The following SHANK2 variants were observed in gnomAD, a reference collection of about 807,000 sequenced individuals.
SHANK2 encodes SH3 and multiple ankyrin repeat domains 2, also known as SH3 and multiple ankyrin repeat domains protein 2.
SHANK2 carries 43 observed loss-of-function variants against 133.7 expected under a neutral mutation model. The observed-to-expected ratio is 0.32, with a 90% CI of 0.25 to 0.41. SHANK2 has a LOEUF of 0.41. SHANK2 is among the 10% of genes least tolerant of loss of function. SHANK2 has a pLI of 1.00. For missense variants in SHANK2, 1,994 were observed against 2,235.8 expected (o/e 0.89, Z 2.18); for synonymous variants, 1,017 against 952.8 (o/e 1.07, Z -1.24).
At chr11:71,061,909 A>C (rs1319712385) in intron 9 of SHANK2, among the ~76,000 whole-genome samples, 1 of 149,836 alleles carries the variant, frequency 6.7e-6, no homozygotes, top group African/African-American at 2.5e-5. Flanking sequence ...TGAGCCCAAA[A>C]TTTCCCGTCA....
intron 11 of SHANK2, among the ~76,000 whole-genome samples, chr11:70,856,059 A>ATGGG (rs1949165688): frequency 6.8e-6 from 1 of 146,434 alleles, no homozygotes; most frequent in Non-Finnish European, 1.5e-5. Context: ...AGGTGAGTGA[A>ATGGG]TGGGTGGGTG....
intron 14 of SHANK2, among the ~76,000 whole-genome samples, chr11:70,737,943 G>A (rs1275061445): frequency 6.6e-6 from 1 of 152,250 alleles, no homozygotes; most frequent in African/African-American, 2.4e-5. Context: ...GGTGCCCTAC[G>A]GTGAGCCGCG....
At chr11:70,540,394 C>T (rs1196101679) in intron 17 of SHANK2, among the ~76,000 whole-genome samples, 2 of 151,920 alleles carry the variant, frequency 1.3e-5, no homozygotes, top group Non-Finnish European at 2.9e-5. Flanking sequence ...CCTGTGGAGT[C>T]GAGGTGATGA....
intron 17 of SHANK2, among the ~76,000 whole-genome samples, chr11:70,629,327 C>G (rs985684876): frequency 4.6e-5 from 7 of 152,190 alleles, no homozygotes; most frequent in Admixed American, 3.3e-4. Flanking sequence ...GAAACCGCCT[C>G]TTTCGAACTC....
In SHANK2 at chr11:70,730,780, A is replaced by C. The variant is rs532411628; in HGVS notation, c.1778-32017T>G. Among the ~76,000 whole-genome samples, 70 of 151,214 alleles carry C rather than the reference A, an allele frequency of 4.6e-4. 1 individual carries two copies. In the South Asian group the frequency reaches 5.5e-3, roughly 12 times the overall value. ...TCATTTCAGCAACTTTCCTTCCCAA[A>C]GTGGCGTCTGCTCACTGCTATGCCT... On this transcript the variant is annotated intron_variant, in intron 14 of 25. Transcript: ENST00000601538.
Position 70,487,645 on chromosome 11 carries a change from G to C in SHANK2, c.2648C>G (p.Thr883Ser), listed in dbSNP as rs1217194951. 1.2e-6 allele frequency: 2 copies of C among 1,600,712 alleles called. No homozygotes were observed. The highest frequency in any genetic ancestry group is 2.7e-5 in the African/African-American group (2 of 74,502). Residue 883 changes from threonine (T) to serine (S), a missense_variant, in exon 25 of 26, where the codon ACC becomes AGC. Physicochemically the swap from Thr to Ser is moderately conservative, Grantham distance 58 (BLOSUM62 1). This residue lies in a region of SHANK2 where 488 missense variants were observed against 642.6 expected (regional missense o/e 0.76). Coordinates refer to ENST00000601538, the MANE Select transcript of SHANK2 (RefSeq NM_012309.5). The surrounding 1 kb of genome is among the most constrained non-coding windows in gnomAD (Gnocchi z 5.8). ...CGGTGGAGGGGGGATGTCCTCAGAG[G>C]TGTCCGGCATGGACAGGCTTCTGGT... The part of the protein sequence containing the change: ...KFTRSLSMPD[T>S]SEDIPPPPQS...
At chr11:70,826,773 C>T (rs1948647079) in intron 11 of SHANK2, 2 of 301,198 alleles carry the variant, frequency 6.6e-6, no homozygotes, top group African/African-American at 2.2e-5. Flanking sequence ...TCGCGGCGCG[C>T]GTCATGTGAG....
intron 2 of SHANK2, among the ~76,000 whole-genome samples, chr11:71,186,186 T>G (rs1270337296): frequency 2.6e-5 from 4 of 152,192 alleles, no homozygotes; most frequent in Admixed American, 6.5e-5. Context: ...GAGAAACCTG[T>G]CAGAAAGCAC....
At chr11:70,766,852 G>A (rs1203258692) in intron 14 of SHANK2, among the ~76,000 whole-genome samples, 2 of 152,176 alleles carry the variant, frequency 1.3e-5, no homozygotes, top group African/African-American at 4.8e-5. Context: ...AAGAGCTCTT[G>A]GCATACAAAA....
At chr11:71,203,212 G>A (rs1174629277) in intron 2 of SHANK2, among the ~76,000 whole-genome samples, 1 of 152,194 alleles carries the variant, frequency 6.6e-6, no homozygotes, top group African/African-American at 2.4e-5. Flanking sequence ...GTCTGCTGGA[G>A]ATGGTGAGGA....
chr11:70,532,148 A>C (rs1554973328), intron 17 of SHANK2, among the ~76,000 whole-genome samples: 1 of 152,104 alleles, frequency 6.6e-6, no homozygotes, highest in African/African-American at 2.4e-5. Context: ...CATGAGTTGA[A>C]ATTTCAGGCA....
At chr11:70,657,255 C>G (rs1408966400) in intron 17 of SHANK2, among the ~76,000 whole-genome samples, 5 of 152,138 alleles carry the variant, frequency 3.3e-5, no homozygotes, top group African/African-American at 7.2e-5. Context: ...ACCGGGAGCT[C>G]AGAAACCCCA....
At chr11:70,589,703 T>A (rs1565156332) in intron 17 of SHANK2, among the ~76,000 whole-genome samples, 2 of 152,128 alleles carry the variant, frequency 1.3e-5, no homozygotes. Context: ...CCATTCTAGA[T>A]GGCATTAGGA....
intron 17 of SHANK2, among the ~76,000 whole-genome samples, chr11:70,640,855 G>A (rs570231325): frequency 2.6e-5 from 4 of 152,294 alleles, no homozygotes; most frequent in Admixed American, 6.5e-5. Context: ...GAATCGAGGC[G>A]ACTGCTGGGT....
At chr11:71,104,983 T>G (rs1483065097) in intron 6 of SHANK2, among the ~76,000 whole-genome samples, 12 of 152,224 alleles carry the variant, frequency 7.9e-5, no homozygotes, top group African/African-American at 2.9e-4. Flanking sequence ...AAAATGCCAC[T>G]GTGTATGATC....
intron 2 of SHANK2, among the ~76,000 whole-genome samples, chr11:71,195,079 T>C (rs1953873606): frequency 1.3e-5 from 2 of 152,252 alleles, no homozygotes; most frequent in East Asian, 1.9e-4. Flanking sequence ...GTAGGGCACC[T>C]ATTTATATTT....
intron 17 of SHANK2, among the ~76,000 whole-genome samples, chr11:70,531,841 C>T (rs1444622279): frequency 6.6e-6 from 1 of 152,160 alleles, no homozygotes; most frequent in Non-Finnish European, 1.5e-5. Context: ...TGCAGCTCCA[C>T]TTCTCCCCAT....
At chr11:71,057,574 C>A (rs1374951813) in intron 9 of SHANK2, among the ~76,000 whole-genome samples, 1 of 152,118 alleles carries the variant, frequency 6.6e-6, no homozygotes, top group Non-Finnish European at 1.5e-5. Context: ...TTTTGAGACA[C>A]AGTCTTGCTC....
intron 9 of SHANK2, among the ~76,000 whole-genome samples, chr11:71,073,142 C>CTTTTTTTTTTTTTTT (rs1951165821): frequency 7.3e-5 from 3 of 41,132 alleles, no homozygotes; most frequent in Admixed American, 2.9e-4. Flanking sequence ...TTTTCTTTTT[C>CTTTTTTTTTTTTTTT]TTTTCTTTTT....
Sources: allele counts gnomAD v4.1 joint callset (sites outside exome capture counted in the v4.1 genomes callset), GRCh38; gene constraint gnomAD v4.1.1; regional missense constraint gnomAD v4.1.1; non-coding constraint Gnocchi (gnomAD v3.1); transcripts MANE v1.5; gene names NCBI Gene and HGNC (gene_info 2026-07-23, HGNC 2026-07-21).